ZBTB25: variants seen among roughly 807,000 people sequenced by gnomAD.
ZBTB25 encodes the protein zinc finger and BTB domain containing 25.
In ZBTB25, 20 loss-of-function variants were observed where a neutral mutation model predicts 34.2. The observed-to-expected ratio is 0.58, with a 90% CI of 0.41 to 0.85. The LOEUF (loss-of-function observed/expected upper bound fraction) is 0.85. Ranked by LOEUF, ZBTB25 falls within the 40% of genes least tolerant of loss-of-function variation. The pLI is 0.00. For synonymous variants in ZBTB25, 175 were observed against 186.4 expected (o/e 0.94, Z 0.50); for missense variants, 437 against 521.8 (o/e 0.84, Z 1.58).
intron 1 of ZBTB25, 50 bp downstream of exon 1, chr14:64,503,611 G>A: frequency 2.0e-6 from 2 of 985,706 alleles, no homozygotes; most frequent in Non-Finnish European, 2.4e-6. Flanking sequence ...GCTCGCGGCA[G>A]GAGGGACTGA....
At chr14:64,467,655 GC>G (rs1207469942) in intron 2 of ZBTB25, 1 of 151,664 alleles carries the variant, frequency 6.6e-6, no homozygotes, top group East Asian at 1.9e-4. Context: ...TAGTTGCATG[GC>G]TTTTGACAAG....
Position 64,487,265 on chromosome 14 carries a change from G to A in ZBTB25, c.966C>T (p.Ile322=). 6.2e-7 allele frequency: 1 copy of A among 1,614,024 alleles called. No homozygotes were observed. The highest frequency in any genetic ancestry group is 2.2e-5 in the East Asian group (1 of 44,876). The change falls in exon 3 of 3, where the codon ATC becomes ATT. Residue 322 remains isoleucine (I), a synonymous_variant. Coordinates refer to ENST00000608382, the MANE Select transcript of ZBTB25 (RefSeq NM_006977.5). Reference sequence around the variant, plus strand: ...CTTTGGAGATCAAAGATACTTGACTGATCTGCAAAGGCTCTGTGGTACCCC... The same window carrying A: ...CTTTGGAGATCAAAGATACTTGACTAATCTGCAAAGGCTCTGTGGTACCCC... ...TNRGTTEPLQ[I]SQVSLISKDT... is the part of the protein sequence containing the mutation.
chr14:64,500,774 G>C (rs1430193797), intron 1 of ZBTB25, among the ~76,000 whole-genome samples: 2 of 152,160 alleles, frequency 1.3e-5, no homozygotes, highest in Admixed American at 6.5e-5. Flanking sequence ...ACATGGACCA[G>C]GCACAGTGGC....
intron 2 of ZBTB25, chr14:64,468,539 C>G: frequency 6.2e-7 from 1 of 1,614,058 alleles, no homozygotes; most frequent in East Asian, 2.2e-5. Flanking sequence ...AGCACTGAAG[C>G]CCAAAGCTGG....
intron 2 of ZBTB25, chr14:64,455,030 T>C: frequency 1.3e-6 from 1 of 777,430 alleles, no homozygotes; most frequent in Non-Finnish European, 2.3e-6. Context: ...TCATAAGCTA[T>C]AAAGCAGGAG....
At chr14:64,466,183 A>T (rs1365677844) in intron 2 of ZBTB25, among the ~76,000 whole-genome samples, 1 of 152,214 alleles carries the variant, frequency 6.6e-6, no homozygotes, top group Non-Finnish European at 1.5e-5. Flanking sequence ...TCAGGAAATG[A>T]GCACAGGGAC....
At chr14:64,450,146 G>A (rs2078347097) in intron 2 of ZBTB25, among the ~76,000 whole-genome samples, 1 of 152,160 alleles carries the variant, frequency 6.6e-6, no homozygotes, top group Non-Finnish European at 1.5e-5. Context: ...ATTTAAGCAG[G>A]AATACCCCAG....
chr14:64,460,687 G>GT (rs2078543172), intron 2 of ZBTB25: 1 of 151,972 alleles, frequency 6.6e-6, no homozygotes, highest in Non-Finnish European at 1.5e-5. Flanking sequence ...CATTAGGTTG[G>GT]TAAAAACCAC....
intron 2 of ZBTB25, chr14:64,469,216 A>T: frequency 1.2e-6 from 2 of 1,614,110 alleles, no homozygotes; most frequent in Non-Finnish European, 1.7e-6. Flanking sequence ...TTCCAGATCA[A>T]CAAATTGTGG....
intron 2 of ZBTB25, chr14:64,458,218 G>C: frequency 6.2e-7 from 1 of 1,608,856 alleles, no homozygotes; most frequent in Non-Finnish European, 8.5e-7. Flanking sequence ...TCCTAGATGA[G>C]CACAATGCCT....
chr14:64,504,369 AG>A (rs1388227759), upstream of ZBTB25: 5 of 151,966 alleles, frequency 3.3e-5, no homozygotes, highest in Admixed American at 1.3e-4. Flanking sequence ...CCCAACGGGC[AG>A]GGGTCTGACA....
At chr14:64,455,018 G>A in intron 2 of ZBTB25, 1 of 834,896 alleles carries the variant, frequency 1.2e-6, no homozygotes, top group Non-Finnish European at 2.1e-6. Context: ...GATTGCTGTG[G>A]ATCATAAGCT....
At chr14:64,464,161 G>C (rs1004293708) in intron 2 of ZBTB25, among the ~76,000 whole-genome samples, 1 of 151,788 alleles carries the variant, frequency 6.6e-6, no homozygotes, top group African/African-American at 2.4e-5. Context: ...AGCCTCCTGA[G>C]CTCCTGAGTA....
chr14:64,456,304 A>ATC (rs1362643856), intron 2 of ZBTB25, among the ~76,000 whole-genome samples: 1 of 152,202 alleles, frequency 6.6e-6, no homozygotes, highest in Non-Finnish European at 1.5e-5. Context: ...AAATGGTTTA[A>ATC]TCACTATTCT....
chr14:64,469,305 C>T, intron 2 of ZBTB25: 1 of 1,613,118 alleles, frequency 6.2e-7, no homozygotes, highest in Non-Finnish European at 8.5e-7. Flanking sequence ...GCTGAAGAAA[C>T]TAAGCCAAAA....
At chr14:64,504,640 G>T, upstream of ZBTB25, 1 of 326,876 alleles carries the variant, frequency 3.1e-6, no homozygotes, top group Non-Finnish European at 5.6e-6. Flanking sequence ...AGAGTGGGTG[G>T]GCGGGCGAGA....
rs753348726 is a variant in ZBTB25, at chr14:64,490,426, T to C, written c.108A>G (p.Lys36=). The change falls in exon 2 of 3, where the codon AAA becomes AAG. Residue 36 remains lysine, a synonymous_variant. Transcript: ENST00000608382. ...AAGCAGCAAGCACTGCTCTGTGGGC[T>C]TTGAAGTAAACATCTCCAATTGCAA... ...CTVAIGDVYF[K]AHRAVLAAFS... 6.2e-7 allele frequency: 1 copy of C among 1,613,806 alleles called. No individual in the cohort carries two copies. The highest frequency in any genetic ancestry group is 8.5e-7 in the Non-Finnish European group (1 of 1,179,810).
At chr14:64,453,758 C>A in intron 2 of ZBTB25, 1 of 1,596,782 alleles carries the variant, frequency 6.3e-7, no homozygotes, top group Middle Eastern at 1.7e-4. Flanking sequence ...CATTAGCTCC[C>A]AGTTGAGGAT....
chr14:64,490,683 A>C, intron 1 of ZBTB25, 143 bp from the exon 2 acceptor site: 2 of 786,388 alleles, frequency 2.5e-6, no homozygotes, highest in South Asian at 5.8e-5. Flanking sequence ...TCAAGTTTTC[A>C]ATCCTATTAC....
Sources: allele counts gnomAD v4.1 joint callset (sites outside exome capture counted in the v4.1 genomes callset), GRCh38; gene constraint gnomAD v4.1.1; transcripts MANE v1.5; gene names NCBI Gene and HGNC (gene_info 2026-07-23, HGNC 2026-07-21).